Variants in CYTH3 observed in about 807,000 individuals in gnomAD.
CYTH3 encodes the protein cytohesin-3.
Under a neutral mutation model 55.1 loss-of-function variants are expected in CYTH3, and 23 were observed. That is an observed-to-expected ratio of 0.42 (90% CI 0.30 to 0.59). CYTH3 has a LOEUF of 0.59. CYTH3 is among the 20% of genes least tolerant of loss of function. CYTH3 has a pLI of 0.20. For missense variants in CYTH3, 413 were observed against 524.8 expected (o/e 0.79, Z 2.08); for synonymous variants, 249 against 194.9 (o/e 1.28, Z -2.31).
intron 12 of CYTH3, 61 bp from the exon 13 acceptor site, chr7:6,165,077 C>A: frequency 6.2e-7 from 1 of 1,605,578 alleles, no homozygotes; most frequent in Admixed American, 1.7e-5. Context: ...CTCCCCTTTC[C>A]CACCAGCCCC....
At chr7:6,222,576 C>G (rs1385540825) in intron 1 of CYTH3, among the ~76,000 whole-genome samples, 1 of 151,972 alleles carries the variant, frequency 6.6e-6, no homozygotes, top group African/African-American at 2.4e-5. Flanking sequence ...GAAACCCCGT[C>G]TCTACTAAAA....
chr7:6,238,178 T>C (rs150413692), intron 1 of CYTH3, among the ~76,000 whole-genome samples: 1 of 152,372 alleles, frequency 6.6e-6, no homozygotes, highest in East Asian at 1.9e-4. Context: ...ACTACTACTA[T>C]TTTAAGAGTT....
intron 6 of CYTH3, chr7:6,172,796 C>T: frequency 7.8e-7 from 1 of 1,281,356 alleles, no homozygotes; most frequent in Non-Finnish European, 1.0e-6. Flanking sequence ...TGAACTGCGG[C>T]TGCAGGATTC....
intron 4 of CYTH3, among the ~76,000 whole-genome samples, 188 bp downstream of exon 4, chr7:6,186,862 C>T (rs1226317808): frequency 6.6e-6 from 1 of 152,206 alleles, no homozygotes; most frequent in Admixed American, 6.5e-5. Flanking sequence ...AGGGCACCAG[C>T]CCTACAAGGC....
chr7:6,195,715 C>A (rs1266126777), intron 1 of CYTH3, among the ~76,000 whole-genome samples: 1 of 152,142 alleles, frequency 6.6e-6, no homozygotes, highest in Non-Finnish European at 1.5e-5. Context: ...ACTAACAGGT[C>A]ATCTCCATTA....
Position 6,173,753 on chromosome 7 carries a change from G to C in CYTH3, c.369-20C>G. ...TCATCCCTGGGAAAAAAAGAAGTAA[G>C]TTTCAAACCTAATGTACATTATCGC... is the stretch of plus-strand genomic sequence containing the variant. On this transcript the variant is annotated intron_variant, in intron 5 of 12. Transcript: ENST00000350796. 4 of 1,413,192 alleles carry C rather than the reference G, an allele frequency of 2.8e-6. No homozygotes were observed. In the South Asian group the frequency reaches 4.6e-5, roughly 16 times the overall value. The allele number at this position is 1,413,192 out of a possible 1,614,324, so 87.5% of individuals were successfully genotyped here. A position where few individuals can be genotyped will look rare whatever the true frequency, so the allele number is the denominator to read the frequency against.
At chr7:6,268,038 A>G (rs1394149188) in intron 1 of CYTH3, among the ~76,000 whole-genome samples, 1 of 152,136 alleles carries the variant, frequency 6.6e-6, no homozygotes, top group Admixed American at 6.5e-5. Context: ...ATCTTCCCCA[A>G]TCAGGTAACC....
chr7:6,223,734 CTT>C (rs963233630), intron 1 of CYTH3, among the ~76,000 whole-genome samples: 2 of 148,198 alleles, frequency 1.3e-5, no homozygotes, highest in Non-Finnish European at 3.0e-5. Flanking sequence ...AAACTAGAGA[CTT>C]TTGTTCACGT....
At chr7:6,258,801 A>T (rs1780201547) in intron 1 of CYTH3, among the ~76,000 whole-genome samples, 2 of 152,234 alleles carry the variant, frequency 1.3e-5, no homozygotes, top group Admixed American at 1.3e-4. Context: ...TATTGTTTAA[A>T]GTCTATCAGC....
chr7:6,226,665 C>G (rs759598865), intron 1 of CYTH3, among the ~76,000 whole-genome samples: 2 of 152,188 alleles, frequency 1.3e-5, no homozygotes, highest in Non-Finnish European at 2.9e-5. Context: ...AACTCTGACT[C>G]TCAGTCAGCA....
Position 6,167,359 on chromosome 7 carries a change from G to A in CYTH3, c.824-1549C>T, listed in dbSNP as rs1345917594. On this transcript the variant is annotated intron_variant, in intron 9 of 12. Transcript: ENST00000350796. This position sits in a 1 kb window ranked among gnomAD's most constrained non-coding sequence, Gnocchi z 5.5. Reference sequence around the variant, plus strand: ...CTATGTCCCCGAGACCCTAGGGACAGGAGGACAGTGCTGATTCCTTCCAGG... The same window carrying A: ...CTATGTCCCCGAGACCCTAGGGACAAGAGGACAGTGCTGATTCCTTCCAGG... Among the ~76,000 whole-genome samples, 1 of 152,168 alleles carries A rather than the reference G, an allele frequency of 6.6e-6. No homozygotes were observed. The highest frequency in any genetic ancestry group is 1.9e-4 in the East Asian group (1 of 5,186).
Position 6,169,401 on chromosome 7 carries a change from T to C in CYTH3, c.823+1134A>G, listed in dbSNP as rs934158913. ...ACGCCAGGCTAATTTTTTGTAAAGA[T>C]GGGGTTTCACTATATTGCCCAGGTG... On this transcript the variant is annotated intron_variant, in intron 9 of 12. Transcript: ENST00000350796. The surrounding 1 kb of genome is among the most constrained non-coding windows in gnomAD (Gnocchi z 4.1). Among the ~76,000 whole-genome samples the C allele has an allele frequency of 6.6e-6, 1 of 152,066 alleles. No individual in the cohort carries two copies. Among genetic ancestry groups the C allele is most frequent in the East Asian group, 1.9e-4 (1 of 5,188 alleles).
chr7:6,186,026 T>C (rs1023850979), intron 4 of CYTH3, among the ~76,000 whole-genome samples: 60 of 151,050 alleles, frequency 4.0e-4, no homozygotes, highest in African/African-American at 1.2e-3. Context: ...GGGCGGATCA[T>C]GAGGTCAGGA....
chr7:6,263,376 C>T (rs1022465897), intron 1 of CYTH3, among the ~76,000 whole-genome samples: 4 of 152,148 alleles, frequency 2.6e-5, no homozygotes, highest in Admixed American at 1.3e-4. Context: ...CTGAAGCATG[C>T]CTATAACTCA....
At chr7:6,186,120 T>C (rs1292545892) in intron 4 of CYTH3, among the ~76,000 whole-genome samples, 3 of 151,560 alleles carry the variant, frequency 2.0e-5, no homozygotes, top group Non-Finnish European at 4.4e-5. Context: ...GGCGGGCGCC[T>C]GTAGTCTCAG....
intron 1 of CYTH3, among the ~76,000 whole-genome samples, chr7:6,215,246 G>A (rs771709747): frequency 1.3e-5 from 2 of 152,166 alleles, no homozygotes; most frequent in Non-Finnish European, 2.9e-5. Context: ...GATGCTCCAC[G>A]GTTCAGGGGC....
rs376633800 is a variant in CYTH3, at chr7:6,164,873, C to T, written c.*71G>A. 48 of 1,570,228 alleles carry T rather than the reference C, an allele frequency of 3.1e-5. No individual in the cohort carries two copies. The Middle Eastern group carries it at 8.7e-4, about 28-fold the overall frequency. On this transcript the variant is annotated 3_prime_UTR_variant, in exon 13 of 13. Transcript: ENST00000350796. ...GCGACTGCCTCCCTGCCACGCCTTCCGCGGAGGGGCCGCCCGCGGTGTCTT... is the reference window on the plus strand; with the variant it reads ...GCGACTGCCTCCCTGCCACGCCTTCTGCGGAGGGGCCGCCCGCGGTGTCTT...
At chr7:6,229,933 G>C (rs1008121096) in intron 1 of CYTH3, among the ~76,000 whole-genome samples, 1 of 151,764 alleles carries the variant, frequency 6.6e-6, no homozygotes, top group African/African-American at 2.4e-5. Flanking sequence ...TCTGGAGTTC[G>C]AGACCAGCCT....
intron 1 of CYTH3, among the ~76,000 whole-genome samples, chr7:6,230,295 T>C (rs974951319): frequency 3.9e-5 from 6 of 152,210 alleles, no homozygotes; most frequent in African/African-American, 1.4e-4. Flanking sequence ...TTAACATTGG[T>C]GCCTCAGCTG....
Sources: allele counts gnomAD v4.1 joint callset (sites outside exome capture counted in the v4.1 genomes callset), GRCh38; gene constraint gnomAD v4.1.1; non-coding constraint Gnocchi (gnomAD v3.1); transcripts MANE v1.5; gene names NCBI Gene and HGNC (gene_info 2026-07-23, HGNC 2026-07-21).